The following MKNK2 variants were observed in gnomAD, a reference collection of about 807,000 sequenced individuals.
The protein encoded by MKNK2 is MAPK interacting serine/threonine kinase 2.
In MKNK2, 54 loss-of-function variants were observed where a neutral mutation model predicts 55.0. That is an observed-to-expected ratio of 0.98 (90% confidence interval 0.79 to 1.23). MKNK2 has a LOEUF of 1.23. MKNK2 is among the 50% of genes most tolerant of loss of function. MKNK2 has a pLI of 0.00. For synonymous variants in MKNK2, 323 were observed against 256.0 expected (o/e 1.26, Z -2.50); for missense variants, 685 against 632.1 (o/e 1.08, Z -0.90).
intron 11 of MKNK2, 31 bp from the exon 12 acceptor site, chr19:2,041,235 C>T: frequency 6.3e-7 from 1 of 1,594,346 alleles, no homozygotes; most frequent in Non-Finnish European, 8.6e-7. Context: ...GGAGCTTAGA[C>T]CTGCCCAAGG....
At position 2,046,650 on chromosome 19, in the gene MKNK2, G is replaced by C. The variant is rs919109829; in HGVS notation, c.93C>G (p.Pro31=). The change falls in exon 3 of 14, where the codon CCC becomes CCG. Residue 31 remains proline, a synonymous_variant. Coordinates refer to ENST00000250896, the MANE Select transcript of MKNK2 (RefSeq NM_199054.3). ...PFELAFSLDQ[P]DHGDSDFGLQ... is the part of the protein sequence containing the mutation. The stretch of plus-strand genomic sequence containing the variant: ...GGCCAAAGTCAGAGTCTCCGTGGTC[G>C]GGCTGGTCTAGGGAGAAGGCCAGCT... 6.4e-7 allele frequency: 1 copy of C among 1,561,858 alleles called. No homozygotes were observed. The highest frequency in any genetic ancestry group is 1.3e-5 in the African/African-American group (1 of 74,078).
At chr19:2,049,026 G>A (rs2017057380) in intron 2 of MKNK2, among the ~76,000 whole-genome samples, 1 of 152,180 alleles carries the variant, frequency 6.6e-6, no homozygotes, top group South Asian at 2.1e-4. Flanking sequence ...AGAGTGAAAT[G>A]ACCTAAGGGG....
In MKNK2 at chr19:2,046,681, G is replaced by A; in HGVS notation, c.62C>T (p.Pro21Leu). Residue 21 changes from proline to leucine, a missense_variant, in exon 3 of 14, where the codon CCC (proline) becomes CTC (leucine). Coordinates refer to ENST00000250896, the MANE Select transcript of MKNK2 (RefSeq NM_199054.3). The part of the protein sequence containing the change: ...GFHRSFKGQN[P>L]FELAFSLDQP... ...GTCTAGGGAGAAGGCCAGCTCGAAG[G>A]GGTTCTGCCCCTGCAGGGGAGAGGA... The A allele has an allele frequency of 1.3e-6, 2 of 1,529,774 alleles. No individual in the cohort carries two copies. Among genetic ancestry groups the A allele is most frequent in the Non-Finnish European group, 1.8e-6 (2 of 1,139,160 alleles). 94.8% of individuals were successfully genotyped at this position (1,529,774 alleles called of 1,614,324 possible). A position where few individuals can be genotyped will look rare whatever the true frequency, so the allele number is the denominator to read the frequency against.
At chr19:2,042,126 C>T in intron 10 of MKNK2, 92 bp from the exon 11 acceptor site, 1 of 1,250,640 alleles carries the variant, frequency 8.0e-7, no homozygotes, top group Non-Finnish European at 1.1e-6. Flanking sequence ...CGCCAGCCGG[C>T]TCGGACCCCG....
rs1359796920 is a variant in MKNK2, at chr19:2,046,688, GC to G, written c.54del (p.Gln19ArgfsTer10). The G allele has an allele frequency of 7.9e-6, 12 of 1,522,326 alleles. No individual in the cohort carries two copies. The highest frequency in any genetic ancestry group is 2.3e-5 in the Admixed American group (1 of 42,984). 94.3% of individuals were successfully genotyped at this position (1,522,326 alleles called of 1,614,324 possible). ...ELQGFHRSFK[G>X]QNPFELAFSL... ...GAGAAGGCCAGCTCGAAGGGGTTCT[GC>G]CCCTGCAGGGGAGAGGAGAGGAGAG... On this transcript the variant is annotated frameshift_variant and splice_region_variant, in exon 3 of 14. Coordinates refer to ENST00000250896, the MANE Select transcript of MKNK2 (RefSeq NM_199054.3). LOFTEE classifies it high-confidence loss of function.
Position 2,041,062 on chromosome 19 carries a change from A to G in MKNK2, c.1088T>C (p.Leu363Pro). Residue 363 changes from leucine (L) to proline (P), a missense_variant, in exon 12 of 14, where the codon CTG (leucine) becomes CCG (proline). Leu to Pro is a moderately conservative substitution (Grantham distance 98). Coordinates refer to ENST00000250896, the MANE Select transcript of MKNK2 (RefSeq NM_199054.3). ...AKQRLSAAQVLQHPWVQGCAP... is the reference protein window; with the variant it reads ...AKQRLSAAQVPQHPWVQGCAP... ...CACCCCCTGAACCCAGGGGTGCTGC[A>G]GGACTTGGGCGGCACTCAGCCTCTG... 6.2e-7 allele frequency: 1 copy of G among 1,613,974 alleles called. No individual in the cohort carries two copies. Among genetic ancestry groups the G allele is most frequent in the Non-Finnish European group, 8.5e-7 (1 of 1,179,940 alleles).
At chr19:2,044,844 G>A (rs902759424) in intron 5 of MKNK2, among the ~76,000 whole-genome samples, 2 of 152,188 alleles carry the variant, frequency 1.3e-5, no homozygotes, top group African/African-American at 4.8e-5. Context: ...CTGCTTCAGG[G>A]AGGGGGCGCA....
At chr19:2,048,828 C>T (rs952514010) in intron 2 of MKNK2, among the ~76,000 whole-genome samples, 2 of 152,126 alleles carry the variant, frequency 1.3e-5, no homozygotes, top group Non-Finnish European at 2.9e-5. Flanking sequence ...CCATGGGAGT[C>T]AGCATTCCCA....
Position 2,037,718 on chromosome 19 carries a change from G to A in MKNK2, c.*1895C>T, listed in dbSNP as rs1204178529. 1.3e-6 allele frequency: 2 copies of A among 1,555,906 alleles called. No homozygotes were observed. Among genetic ancestry groups the A allele is most frequent in the South Asian group, 1.2e-5 (1 of 84,486 alleles). On this transcript the variant is annotated 3_prime_UTR_variant, in exon 14 of 14. Coordinates refer to ENST00000250896, the MANE Select transcript of MKNK2 (RefSeq NM_199054.3). ...CCCCAGCGATGGGAGCTGGCCTGGG[G>A]CCCAGGGTCCTCCAGGATCTTCACT...
At position 2,042,651 on chromosome 19, in the gene MKNK2, T is replaced by C; in HGVS notation, c.610A>G (p.Arg204Gly). The C allele has an allele frequency of 6.4e-7, 1 of 1,562,162 alleles. No homozygotes were observed. Among genetic ancestry groups the C allele is most frequent in the Non-Finnish European group, 8.7e-7 (1 of 1,152,560 alleles). ...AGGATGTTTTCCGGCTTTAGGTCCC[T>C]GTGGGCGATGCCTGGGGGAGAAGCC... ...DFLHNKGIAHRDLKPENILCE... is the reference protein window; with the variant it reads ...DFLHNKGIAHGDLKPENILCE... Residue 204 changes from arginine (R) to glycine (G), a missense_variant, in exon 9 of 14, where the codon AGG (arginine) becomes GGG (glycine). Physicochemically the swap from Arg to Gly is moderately radical, Grantham distance 125 (BLOSUM62 -2). Transcript: ENST00000250896.
chr19:2,045,122 A>C (rs576885653), intron 5 of MKNK2, among the ~76,000 whole-genome samples: 72 of 152,146 alleles, frequency 4.7e-4, no homozygotes, highest in African/African-American at 1.5e-3. Context: ...GTGGCCAACA[A>C]CACCTCCAGC....
rs1052888442 is a variant in MKNK2, at chr19:2,042,228, G to A, written c.751-194C>T. 62 of 710,354 alleles carry A rather than the reference G, an allele frequency of 8.7e-5. No individual in the cohort carries two copies. The African/African-American group carries it at 9.3e-4, about 11-fold the overall frequency. The allele number at this position is 710,354 out of a possible 1,614,324, so 44.0% of individuals were successfully genotyped here. A position where few individuals can be genotyped will look rare whatever the true frequency, so the allele number is the denominator to read the frequency against. On this transcript the variant is annotated intron_variant, in intron 10 of 13. Coordinates refer to ENST00000250896, the MANE Select transcript of MKNK2 (RefSeq NM_199054.3). ...CTCGCCCCTCCCCCGCCGCGGCCCC[G>A]CCCCACCCGGCCAAACACCGACGCG... is the stretch of plus-strand genomic sequence containing the variant.
chr19:2,042,011 G>T lies in MKNK2; in HGVS notation c.774C>A (p.Ala258=). The part of the protein sequence containing the change: ...LTPCGSAEYM[A]PEVVEAFSEE... ...CGCTGAAGGCCTCCACTACCTCCGG[G>T]GCCATGTACTCCGCCGAGCCGCACT... Residue 258 remains alanine, a synonymous_variant, in exon 11 of 14, where the codon GCC becomes GCA. Coordinates refer to ENST00000250896, the MANE Select transcript of MKNK2 (RefSeq NM_199054.3). The T allele has an allele frequency of 6.5e-7, 1 of 1,535,258 alleles. No homozygotes were observed. Among genetic ancestry groups the T allele is most frequent in the Non-Finnish European group, 8.8e-7 (1 of 1,142,308 alleles).
At chr19:2,050,118 C>T (rs1199146070) in intron 2 of MKNK2, among the ~76,000 whole-genome samples, 1 of 152,200 alleles carries the variant, frequency 6.6e-6, no homozygotes, top group Non-Finnish European at 1.5e-5. Context: ...CCTGCCCTCC[C>T]CTTCCCCCCC....
chr19:2,050,923 GC>G lies in MKNK2; in HGVS notation c.-73del. 1 of 1,118,966 alleles carries G rather than the reference GC, an allele frequency of 8.9e-7. No individual in the cohort carries two copies. The highest frequency in any genetic ancestry group is 1.2e-6 in the Non-Finnish European group (1 of 808,324). 69.3% of individuals were successfully genotyped at this position (1,118,966 alleles called of 1,614,324 possible). Reference sequence around the variant, plus strand: ...GGGAGGCCCGAGGGCGGGCGGCCGGGCGGGGGGCGGCCGAGGAGGGGACCCT... The same window carrying G: ...GGGAGGCCCGAGGGCGGGCGGCCGGGGGGGGGCGGCCGAGGAGGGGACCCT... On this transcript the variant is annotated 5_prime_UTR_variant, in exon 2 of 14. Transcript: ENST00000250896.
intron 2 of MKNK2, among the ~76,000 whole-genome samples, chr19:2,050,553 G>A (rs1381938453): frequency 2.0e-5 from 3 of 152,182 alleles, no homozygotes; most frequent in Non-Finnish European, 4.4e-5. Context: ...CCTGCTCCCA[G>A]CCTCACTTGG....
chr19:2,050,651 AG>A, intron 2 of MKNK2, 149 bp downstream of exon 2: 1 of 664,994 alleles, frequency 1.5e-6, no homozygotes, highest in Non-Finnish European at 2.4e-6. Context: ...ACCCCGCTTC[AG>A]CGCACGGCCG....
At position 2,038,934 on chromosome 19, in the gene MKNK2, GGACA is replaced by G. The variant is rs1322376099; in HGVS notation, c.*675_*678del. 2 of 985,832 alleles carry G rather than the reference GGACA, an allele frequency of 2.0e-6. No homozygotes were observed. Among genetic ancestry groups the G allele is most frequent in the Non-Finnish European group, 2.4e-6 (2 of 830,052 alleles). 61.1% of individuals were successfully genotyped at this position (985,832 alleles called of 1,614,324 possible). On this transcript the variant is annotated 3_prime_UTR_variant, in exon 14 of 14. Transcript: ENST00000250896. ...GCCGAATCTGGCCACCAGGAGTCCT[GGACA>G]GACAGACGGGCCTTGCAGGAAGCCC...
chr19:2,041,815 G>A (rs750664412), intron 11 of MKNK2, 25 bp downstream of exon 11: 8 of 1,493,484 alleles, frequency 5.4e-6, no homozygotes, highest in South Asian at 1.3e-5. Flanking sequence ...GTGCCCAGGA[G>A]AGGAGGGTGC....
Sources: allele counts gnomAD v4.1 joint callset (sites outside exome capture counted in the v4.1 genomes callset), GRCh38; gene constraint gnomAD v4.1.1; transcripts MANE v1.5; gene names NCBI Gene and HGNC (gene_info 2026-07-23, HGNC 2026-07-21).